CAMK1D: variants seen among roughly 807,000 people sequenced by gnomAD.
CAMK1D encodes calcium/calmodulin dependent protein kinase ID.
Under a neutral mutation model 47.7 loss-of-function variants are expected in CAMK1D, and 9 were observed. The ratio of observed to expected loss-of-function variants is 0.19; its 90% confidence interval spans 0.11 to 0.33. CAMK1D has a LOEUF of 0.33. Ranked by LOEUF, CAMK1D falls within the 10% of genes least tolerant of loss-of-function variation. The pLI is 1.00. For synonymous variants in CAMK1D, 184 were observed against 184.9 expected (o/e 0.99, Z 0.04); for missense variants, 291 against 488.7 (o/e 0.60, Z 3.81).
chr10:12,414,562 A>G, intron 1 of CAMK1D, among the ~76,000 whole-genome samples: 1 of 152,120 alleles, frequency 6.6e-6, no homozygotes, highest in East Asian at 1.9e-4. Context: ...CAAACTTTTT[A>G]CAGTTTTCTC....
chr10:12,729,248 T>G (rs1415805116), intron 3 of CAMK1D, among the ~76,000 whole-genome samples: 1 of 152,118 alleles, frequency 6.6e-6, no homozygotes, highest in Non-Finnish European at 1.5e-5. Context: ...CAATAAGATC[T>G]CCACCTCCAT....
At chr10:12,519,314 G>A (rs1342701727) in intron 1 of CAMK1D, among the ~76,000 whole-genome samples, 17 of 48,410 alleles carry the variant, frequency 3.5e-4, no homozygotes, top group South Asian at 1.1e-3. Flanking sequence ...CAGTAGGGGC[G>A]GCCGGGCAGA....
At chr10:12,679,166 A>C (rs1309891896) in intron 3 of CAMK1D, among the ~76,000 whole-genome samples, 1 of 152,252 alleles carries the variant, frequency 6.6e-6, no homozygotes, top group Non-Finnish European at 1.5e-5. Context: ...ATATCTAATA[A>C]GTTCTTTAAG....
At chr10:12,609,551 C>G (rs532165122) in intron 2 of CAMK1D, among the ~76,000 whole-genome samples, 10 of 152,296 alleles carry the variant, frequency 6.6e-5, no homozygotes, top group Non-Finnish European at 1.5e-4. Flanking sequence ...GCGTTAGATT[C>G]TCAAAAGGAG....
chr10:12,438,238 T>C (rs1049948500), intron 1 of CAMK1D, among the ~76,000 whole-genome samples: 17 of 152,170 alleles, frequency 1.1e-4, no homozygotes, highest in African/African-American at 4.1e-4. Context: ...CGTGGGTCCT[T>C]CGCCTTGAGC....
chr10:12,806,117 A>G (rs1838719976), intron 6 of CAMK1D, among the ~76,000 whole-genome samples: 1 of 152,198 alleles, frequency 6.6e-6, no homozygotes, highest in South Asian at 2.1e-4. Context: ...GGGCACAGAG[A>G]ACGGTGTGTA....
chr10:12,626,629 A>G (rs1187531542), intron 2 of CAMK1D, among the ~76,000 whole-genome samples: 5 of 152,000 alleles, frequency 3.3e-5, no homozygotes, highest in Admixed American at 3.3e-4. Context: ...GCATGCCACA[A>G]CATCTGGCTA....
At chr10:12,481,531 A>C (rs895783308) in intron 1 of CAMK1D, among the ~76,000 whole-genome samples, 1 of 150,812 alleles carries the variant, frequency 6.6e-6, no homozygotes, top group Non-Finnish European at 1.5e-5. Flanking sequence ...TTTTTTTGAG[A>C]TGGAGTCTCG....
chr10:12,393,998 G>A (rs143618099), intron 1 of CAMK1D, among the ~76,000 whole-genome samples: 78 of 152,258 alleles, frequency 5.1e-4, no homozygotes, highest in Admixed American at 1.5e-3. Flanking sequence ...CCACAAGACC[G>A]CTCCCGACAC....
intron 2 of CAMK1D, among the ~76,000 whole-genome samples, chr10:12,639,544 T>G (rs934708332): frequency 2.6e-5 from 4 of 151,674 alleles, no homozygotes; most frequent in African/African-American, 9.7e-5. Context: ...TCATCCTTGC[T>G]TAAATTTTTT....
chr10:12,777,670 G>A (rs528684184), intron 5 of CAMK1D, among the ~76,000 whole-genome samples: 66 of 152,208 alleles, frequency 4.3e-4, no homozygotes, highest in Middle Eastern at 3.4e-3. Flanking sequence ...CACCATTCCT[G>A]GCCCTGGTTG....
chr10:12,676,110 G>A (rs944314500), intron 3 of CAMK1D, among the ~76,000 whole-genome samples: 3 of 151,950 alleles, frequency 2.0e-5, no homozygotes, highest in Admixed American at 6.6e-5. Flanking sequence ...CTGCCACTAC[G>A]CCTGGCTAAT....
chr10:12,562,917 G>C (rs189385923), intron 2 of CAMK1D, among the ~76,000 whole-genome samples: 7 of 152,346 alleles, frequency 4.6e-5, no homozygotes, highest in African/African-American at 1.7e-4. Flanking sequence ...GGCAAAGAAG[G>C]TTTAGTGGAA....
At position 12,777,735 on chromosome 10, in the gene CAMK1D, GA is replaced by G. The variant is rs764224332; in HGVS notation, c.565+7939del. The stretch of plus-strand genomic sequence containing the variant: ...GTCAGAGGAATGGCAGGAAGAAGGT[GA>G]AACGGGTCTTGGTAAGTACACCAGC... On this transcript the variant is annotated intron_variant, in intron 5 of 10. Coordinates refer to ENST00000619168, the MANE Select transcript of CAMK1D (RefSeq NM_153498.4). Among the ~76,000 whole-genome samples the G allele has an allele frequency of 2.6e-5, 4 of 152,310 alleles. No homozygotes were observed. In the East Asian group the frequency reaches 7.7e-4, roughly 29 times the overall value.
chr10:12,458,170 A>T (rs371731516), intron 1 of CAMK1D, among the ~76,000 whole-genome samples: 1 of 152,310 alleles, frequency 6.6e-6, no homozygotes, highest in East Asian at 1.9e-4. Context: ...AGCCTCTCCC[A>T]TGCACTGTCT....
intron 3 of CAMK1D, among the ~76,000 whole-genome samples, chr10:12,700,093 A>G (rs1041082700): frequency 2.0e-5 from 3 of 152,186 alleles, no homozygotes; most frequent in Admixed American, 6.5e-5. Context: ...TTCATTTAGC[A>G]TCGAGTTCAC....
rs1017438142 is a variant in CAMK1D, at chr10:12,435,605, G to A, written c.92+85695G>A. Among the ~76,000 whole-genome samples, 3 of 152,280 alleles carry A rather than the reference G, an allele frequency of 2.0e-5. No homozygotes were observed. In the East Asian group the frequency reaches 5.8e-4, roughly 29 times the overall value. Reference sequence around the variant, plus strand: ...CGTGCTCTGTGCCCAGCAGGTTGGAGGATGGCTTAGTGGTCATCTCCAGGC... The same window carrying A: ...CGTGCTCTGTGCCCAGCAGGTTGGAAGATGGCTTAGTGGTCATCTCCAGGC... On this transcript the variant is annotated intron_variant, in intron 1 of 10. Coordinates refer to ENST00000619168, the MANE Select transcript of CAMK1D (RefSeq NM_153498.4).
At chr10:12,627,462 C>T (rs1588706999) in intron 2 of CAMK1D, among the ~76,000 whole-genome samples, 1 of 152,244 alleles carries the variant, frequency 6.6e-6, no homozygotes, top group Non-Finnish European at 1.5e-5. Flanking sequence ...CTGTTATATA[C>T]TTGCAGATAA....
intron 6 of CAMK1D, among the ~76,000 whole-genome samples, chr10:12,809,818 A>C (rs562354872): frequency 6.6e-6 from 1 of 152,182 alleles, no homozygotes; most frequent in African/African-American, 2.4e-5. Flanking sequence ...CCCGTGCTAC[A>C]TTGCACCTAT....
Sources: allele counts gnomAD v4.1 joint callset (sites outside exome capture counted in the v4.1 genomes callset), GRCh38; gene constraint gnomAD v4.1.1; transcripts MANE v1.5; gene names NCBI Gene and HGNC (gene_info 2026-07-23, HGNC 2026-07-21).